Variants in POC1A observed in about 807,000 individuals in gnomAD.
POC1A encodes POC1 centriolar protein homolog A.
A neutral mutation model predicts 47.8 loss-of-function variants in POC1A; 34 were observed. That is an observed-to-expected ratio of 0.71 (90% CI 0.54 to 0.95). The LOEUF (loss-of-function observed/expected upper bound fraction) is 0.95. Ranked by LOEUF, POC1A falls within the 40% of genes least tolerant of loss-of-function variation. POC1A has a pLI of 0.00. For synonymous variants in POC1A, 177 were observed against 207.6 expected (o/e 0.85, Z 1.27); for missense variants, 466 against 528.3 (o/e 0.88, Z 1.16).
At chr3:52,125,815 C>G (rs1349305653) in intron 7 of POC1A, among the ~76,000 whole-genome samples, 1 of 152,170 alleles carries the variant, frequency 6.6e-6, no homozygotes, top group Non-Finnish European at 1.5e-5. Flanking sequence ...CTCTGGCTTC[C>G]CAGATGTTGA....
chr3:52,115,572 C>T (rs1184462203), intron 9 of POC1A, among the ~76,000 whole-genome samples: 1 of 152,104 alleles, frequency 6.6e-6, no homozygotes, highest in Non-Finnish European at 1.5e-5. Context: ...AATCCTAACC[C>T]CAAAGTAATA....
In POC1A at chr3:52,149,254, G is replaced by C; in HGVS notation, c.411C>G (p.Phe137Leu). The C allele has an allele frequency of 1.2e-6, 2 of 1,614,206 alleles. No homozygotes were observed. The highest frequency in any genetic ancestry group is 1.7e-6 in the Non-Finnish European group (2 of 1,180,042). Reference sequence around the variant, plus strand: ...TGATATGCTGGCTCAGGGAGAACAGGAATTTCTGGCGATGAGTTGCCCACA... The same window carrying C: ...TGATATGCTGGCTCAGGGAGAACAGCAATTTCTGGCGATGAGTTGCCCACA... ...VKVWATHRQK[F>L]LFSLSQHINW... Residue 137 changes from phenylalanine (F) to leucine (L), a missense_variant, in exon 4 of 11, where the codon TTC (phenylalanine) becomes TTG (leucine). Coordinates refer to ENST00000296484, the MANE Select transcript of POC1A (RefSeq NM_015426.5).
Position 52,104,844 on chromosome 3 carries a change from C to T in POC1A, c.982-8132G>A, listed in dbSNP as rs140993305. On this transcript the variant is annotated intron_variant, in intron 9 of 10. Transcript: ENST00000296484. Reference sequence around the variant, plus strand: ...TGCAGTCCATGGAGTGTCAGGCCTCCGCTGCTTAGGAGTCTGTACACAGCT... The same window carrying T: ...TGCAGTCCATGGAGTGTCAGGCCTCTGCTGCTTAGGAGTCTGTACACAGCT... 3.0e-3 allele frequency among the ~76,000 whole-genome samples: 457 copies of T among 152,320 alleles called. 1 individual carries two copies. The highest frequency in any genetic ancestry group is 4.3e-3 in the Non-Finnish European group (295 of 68,030).
intron 10 of POC1A, among the ~76,000 whole-genome samples, chr3:52,094,170 G>C (rs951532810): frequency 1.3e-5 from 2 of 152,238 alleles, no homozygotes; most frequent in Non-Finnish European, 2.9e-5. Context: ...CAGTGTTGGG[G>C]TGGCTGGGCA....
intron 10 of POC1A, among the ~76,000 whole-genome samples, chr3:52,091,515 T>C (rs1342084645): frequency 1.3e-5 from 2 of 152,168 alleles, no homozygotes; most frequent in Non-Finnish European, 2.9e-5. Flanking sequence ...CCATGACCCA[T>C]GCCTGATTTT....
chr3:52,119,729 G>C (rs906476288), intron 9 of POC1A, among the ~76,000 whole-genome samples: 3 of 152,152 alleles, frequency 2.0e-5, no homozygotes, highest in African/African-American at 7.2e-5. Context: ...AACTTGGGTT[G>C]GTGGGAGGGT....
At chr3:52,112,693 T>A (rs556848526) in intron 9 of POC1A, among the ~76,000 whole-genome samples, 24 of 151,936 alleles carry the variant, frequency 1.6e-4, no homozygotes, top group Non-Finnish European at 3.2e-4. Context: ...AGAACCAAGG[T>A]CATACCCTTT....
At chr3:52,142,949 C>T (rs1694689734) in intron 6 of POC1A, among the ~76,000 whole-genome samples, 1 of 152,108 alleles carries the variant, frequency 6.6e-6, no homozygotes, top group Non-Finnish European at 1.5e-5. Flanking sequence ...GTTCCCCCTA[C>T]CCAGGGAGCT....
chr3:52,120,949 C>T lies in POC1A; in HGVS notation c.981+1430G>A, dbSNP rs539600641. On this transcript the variant is annotated intron_variant, in intron 9 of 10. Transcript: ENST00000296484. ...CTGGTAGATATTAACCACTCCCAAG[C>T]GGCAGATGTCAGGGCCCTCCCTTGA... Among the ~76,000 whole-genome samples, 11 of 152,370 alleles carry T rather than the reference C, an allele frequency of 7.2e-5. No homozygotes were observed. In the East Asian group the frequency reaches 2.1e-3, roughly 29 times the overall value.
intron 1 of POC1A, among the ~76,000 whole-genome samples, chr3:52,151,516 C>T (rs1191926103): frequency 6.7e-6 from 1 of 149,114 alleles, no homozygotes; most frequent in African/African-American, 2.5e-5. Flanking sequence ...GAGGCTGACG[C>T]AGGAGAATGG....
intron 10 of POC1A, among the ~76,000 whole-genome samples, chr3:52,087,838 G>T (rs1479370155): frequency 1.3e-5 from 2 of 152,168 alleles, no homozygotes; most frequent in Non-Finnish European, 2.9e-5. Context: ...ACACTGGGGT[G>T]GGTTCAAGCA....
chr3:52,075,939 A>G lies in POC1A; in HGVS notation c.1172T>C (p.Leu391Pro), dbSNP rs1164819568. ...EQRLTLTEDK[L>P]KQCLENQQLI... ...CTGCTGGTTCTCCAGACACTGCTTC[A>G]GCTTGTCTTCTGTCAGTGTCAACCG... The change falls in exon 11 of 11, where the codon CTG (leucine) becomes CCG (proline). Residue 391 changes from leucine (L) to proline (P), a missense_variant. Leu to Pro is a moderately conservative substitution (Grantham distance 98). Coordinates refer to ENST00000296484, the MANE Select transcript of POC1A (RefSeq NM_015426.5). The G allele has an allele frequency of 6.2e-7, 1 of 1,614,028 alleles. No individual in the cohort carries two copies. The highest frequency in any genetic ancestry group is 2.2e-5 in the East Asian group (1 of 44,882).
At chr3:52,132,899 A>T (rs1290034303) in intron 7 of POC1A, among the ~76,000 whole-genome samples, 3 of 152,070 alleles carry the variant, frequency 2.0e-5, no homozygotes, top group Non-Finnish European at 4.4e-5. Context: ...GCAAAAAATT[A>T]GCCGGGCATG....
intron 7 of POC1A, among the ~76,000 whole-genome samples, chr3:52,125,559 G>C (rs752777888): frequency 1.3e-5 from 2 of 152,092 alleles, no homozygotes; most frequent in Non-Finnish European, 2.9e-5. Context: ...ACTGAGACCA[G>C]AACTTGGTCC....
At chr3:52,125,942 G>A (rs1429415142) in intron 7 of POC1A, among the ~76,000 whole-genome samples, 3 of 152,152 alleles carry the variant, frequency 2.0e-5, no homozygotes, top group South Asian at 4.1e-4. Flanking sequence ...AGCAAAGGAG[G>A]GTTCTTCCCC....
intron 9 of POC1A, among the ~76,000 whole-genome samples, chr3:52,102,739 A>G (rs1419189425): frequency 6.6e-6 from 1 of 152,210 alleles, no homozygotes; most frequent in African/African-American, 2.4e-5. Flanking sequence ...ACTACAAAAC[A>G]CTAATGAGAA....
At position 52,145,827 on chromosome 3, in the gene POC1A, G is replaced by T; in HGVS notation, c.679+19C>A. The T allele has an allele frequency of 1.3e-6, 2 of 1,544,174 alleles. No individual in the cohort carries two copies. The highest frequency in any genetic ancestry group is 1.1e-5 in the South Asian group (1 of 89,676). ...CCACCAGGGCTGCCCTTGGGCCCAG[G>T]AGGCTGTTCACCACTCACACTGATA... On this transcript the variant is annotated intron_variant, in intron 6 of 10. Coordinates refer to ENST00000296484, the MANE Select transcript of POC1A (RefSeq NM_015426.5).
intron 9 of POC1A, among the ~76,000 whole-genome samples, chr3:52,105,894 G>C (rs13071976): frequency 0.25 from 37,760 of 152,144 alleles, 5,752 homozygotes; most frequent in Non-Finnish European, 0.33. Flanking sequence ...GAAGGTGCTA[G>C]GTCATTTTTG....
chr3:52,151,792 T>C (rs1698568134), intron 1 of POC1A, among the ~76,000 whole-genome samples: 1 of 152,002 alleles, frequency 6.6e-6, no homozygotes, highest in Non-Finnish European at 1.5e-5. Context: ...CTCAGATTGA[T>C]CTACCGATTC....
Sources: gnomAD v4.1 joint callset for allele counts (sites outside exome capture counted in the v4.1 genomes callset) on GRCh38, gnomAD v4.1.1 for gene constraint, MANE v1.5 for transcripts, NCBI Gene and HGNC (gene_info 2026-07-23, HGNC 2026-07-21) for gene names.